The following ATP9A variants were observed in gnomAD, a reference collection of about 807,000 sequenced individuals.
ATP9A encodes the protein probable phospholipid-transporting ATPase IIA.
ATP9A carries 52 observed loss-of-function variants against 144.1 expected under a neutral mutation model. The ratio of observed to expected loss-of-function variants is 0.36; its 90% CI spans 0.29 to 0.45. ATP9A has a LOEUF of 0.45. ATP9A is among the 20% of genes least tolerant of loss of function. The pLI is 1.00. For synonymous variants in ATP9A, 582 were observed against 557.4 expected (o/e 1.04, Z -0.62); for missense variants, 947 against 1,392.7 (o/e 0.68, Z 5.09).
At chr20:51,635,029 C>CA (rs940993886) in intron 15 of ATP9A, among the ~76,000 whole-genome samples, 1 of 151,382 alleles carries the variant, frequency 6.6e-6, no homozygotes, top group Non-Finnish European at 1.5e-5. Flanking sequence ...TGTCAGCCAC[C>CA]CCCCTGGAGT....
At chr20:51,725,434 AT>A (rs1347066027) in intron 3 of ATP9A, among the ~76,000 whole-genome samples, 1 of 152,086 alleles carries the variant, frequency 6.6e-6, no homozygotes, top group Non-Finnish European at 1.5e-5. Flanking sequence ...ATTTTAGACC[AT>A]TTGAGATTTT....
chr20:51,743,323 C>T (rs1435070483), intron 1 of ATP9A, among the ~76,000 whole-genome samples: 3 of 151,146 alleles, frequency 2.0e-5, no homozygotes, highest in African/African-American at 7.3e-5. Context: ...GACCGTCTGA[C>T]ACTGCCATGA....
rs2077559628 is a variant in ATP9A, at chr20:51,693,999, G to A, written c.642+9C>T. 5 of 1,611,418 alleles carry A rather than the reference G, an allele frequency of 3.1e-6. No individual in the cohort carries two copies. Among genetic ancestry groups the A allele is most frequent in the Non-Finnish European group, 4.2e-6 (5 of 1,178,470 alleles). ...GCCCGCATGGGCTTCTGCAGGGAAA[G>A]CTACTCACGGCGGCCGTGGGGAGCC... On this transcript the variant is annotated intron_variant, in intron 7 of 27. Transcript: ENST00000338821.
chr20:51,716,125 A>T (rs2077660874), intron 3 of ATP9A, among the ~76,000 whole-genome samples: 1 of 152,154 alleles, frequency 6.6e-6, no homozygotes, highest in Non-Finnish European at 1.5e-5. Flanking sequence ...GGAGGCTGAC[A>T]AATGTCAAAA....
chr20:51,684,855 A>G (rs2077515707), intron 9 of ATP9A, among the ~76,000 whole-genome samples: 1 of 148,280 alleles, frequency 6.7e-6, no homozygotes, highest in South Asian at 2.2e-4. Flanking sequence ...CTAAAAACAC[A>G]AAAAAATTAG....
chr20:51,681,653 C>T (rs926554777), intron 9 of ATP9A, among the ~76,000 whole-genome samples: 2 of 152,088 alleles, frequency 1.3e-5, no homozygotes, highest in Non-Finnish European at 2.9e-5. Flanking sequence ...AACTCCTGAC[C>T]TCAAATGATC....
intron 1 of ATP9A, among the ~76,000 whole-genome samples, chr20:51,749,809 GT>G (rs1343361086): frequency 6.6e-6 from 1 of 152,018 alleles, no homozygotes; most frequent in Non-Finnish European, 1.5e-5. Context: ...TAGCTTTTAA[GT>G]ATTAAACCAT....
chr20:51,642,713 G>T, intron 14 of ATP9A, among the ~76,000 whole-genome samples: 1 of 100,774 alleles, frequency 9.9e-6, no homozygotes, highest in South Asian at 3.9e-4. Context: ...GTGACTGAGT[G>T]AGACTCTGTC....
intron 4 of ATP9A, among the ~76,000 whole-genome samples, chr20:51,697,984 A>T (rs2077577822): frequency 6.6e-6 from 1 of 152,246 alleles, no homozygotes; most frequent in South Asian, 2.1e-4. Flanking sequence ...TTAGATAAAC[A>T]GTAAAAGCTA....
chr20:51,733,704 A>G (rs2077751807), intron 1 of ATP9A, among the ~76,000 whole-genome samples: 1 of 151,326 alleles, frequency 6.6e-6, no homozygotes, highest in African/African-American at 2.4e-5. Context: ...AAATTAAAAA[A>G]TCTGTATTAC....
Position 51,703,017 on chromosome 20 carries a change from A to G in ATP9A, c.437-5535T>C, listed in dbSNP as rs372708872. Among the ~76,000 whole-genome samples, 53 of 152,124 alleles carry G rather than the reference A, an allele frequency of 3.5e-4. No homozygotes were observed. The East Asian group carries it at 5.6e-3, about 16-fold the overall frequency. ...TTTGTTGTTGTTTTGTTTTGGTCTC[A>G]TCTTCCCCAGAGACTCCTAAGATGG... On this transcript the variant is annotated intron_variant, in intron 4 of 27. Transcript: ENST00000338821.
chr20:51,666,381 G>A (rs2077432852), intron 13 of ATP9A, among the ~76,000 whole-genome samples: 1 of 152,104 alleles, frequency 6.6e-6, no homozygotes, highest in South Asian at 2.1e-4. Flanking sequence ...TCCAAAGGCT[G>A]TACTTTACGA....
chr20:51,639,815 G>C (rs1364768459), intron 14 of ATP9A, among the ~76,000 whole-genome samples: 1 of 152,226 alleles, frequency 6.6e-6, no homozygotes, highest in African/African-American at 2.4e-5. Context: ...ACTGGGTGCA[G>C]TGGCTCAGGC....
chr20:51,731,460 G>A (rs532105749), intron 1 of ATP9A, among the ~76,000 whole-genome samples: 8 of 152,056 alleles, frequency 5.3e-5, no homozygotes, highest in South Asian at 4.2e-4. Flanking sequence ...GCTCACGCCT[G>A]TAATCCCAGC....
intron 18 of ATP9A, among the ~76,000 whole-genome samples, chr20:51,622,637 G>A (rs145130698): frequency 5.9e-5 from 9 of 152,228 alleles, no homozygotes; most frequent in Non-Finnish European, 7.4e-5. Context: ...CTTATAAAAC[G>A]CTGACCGTAA....
At chr20:51,651,042 A>T (rs2077362196) in intron 14 of ATP9A, among the ~76,000 whole-genome samples, 2 of 149,648 alleles carry the variant, frequency 1.3e-5, no homozygotes, top group Admixed American at 1.4e-4. Context: ...GCAGTGGTGC[A>T]ATCTCGGAAA....
At chr20:51,607,064 A>C (rs753121144) in intron 26 of ATP9A, among the ~76,000 whole-genome samples, 10 of 151,744 alleles carry the variant, frequency 6.6e-5, no homozygotes, top group Non-Finnish European at 1.3e-4. Flanking sequence ...AATTTAAAAG[A>C]GTTAGGAAAA....
chr20:51,675,872 C>A (rs1433600747), intron 10 of ATP9A, among the ~76,000 whole-genome samples: 10 of 144,066 alleles, frequency 6.9e-5, no homozygotes, highest in Non-Finnish European at 1.2e-4. Context: ...AAAGTGAGAC[C>A]CTGTCTCAAA....
intron 9 of ATP9A, among the ~76,000 whole-genome samples, chr20:51,687,318 G>A (rs1568820649): frequency 6.6e-6 from 1 of 152,122 alleles, no homozygotes. Flanking sequence ...AAATGTAGCA[G>A]AAAAAACCTC....
Sources: gnomAD v4.1 joint callset for allele counts (sites outside exome capture counted in the v4.1 genomes callset) on GRCh38, gnomAD v4.1.1 for gene constraint, MANE v1.5 for transcripts, NCBI Gene and HGNC (gene_info 2026-07-23, HGNC 2026-07-21) for gene names.